Variants in ARHGAP42 observed in about 807,000 individuals in gnomAD.
The protein encoded by ARHGAP42 is rho GTPase-activating protein 42.
In ARHGAP42, 63 loss-of-function variants were observed where a neutral mutation model predicts 125.0. That is an observed-to-expected ratio of 0.50 (90% CI 0.41 to 0.62). The LOEUF (loss-of-function observed/expected upper bound fraction) is 0.62, where lower values mean the gene tolerates loss of function less well. Among genes scored for constraint, ARHGAP42 ranks in the 20% least tolerant of loss-of-function variants. The pLI, the probability that ARHGAP42 is intolerant of heterozygous loss-of-function variation, is 0.00. For missense variants in ARHGAP42, 766 were observed against 1,024.2 expected, an observed-to-expected ratio of 0.75 and a Z score of 3.44; for synonymous variants, 339 against 351.0, an observed-to-expected ratio of 0.97 and a Z score of 0.38.
intron 3 of ARHGAP42, among the ~76,000 whole-genome samples, chr11:100,796,370 T>A (rs566930696): frequency 6.6e-6 from 1 of 152,336 alleles, no homozygotes; most frequent in Non-Finnish European, 1.5e-5. Flanking sequence ...TGTCCTCAGA[T>A]CTCTCTATTG....
chr11:100,801,081 G>GC (rs1863839088), intron 3 of ARHGAP42, among the ~76,000 whole-genome samples: 1 of 152,162 alleles, frequency 6.6e-6, no homozygotes, highest in Non-Finnish European at 1.5e-5. Context: ...GCTCCAGAGA[G>GC]CATTTCCTTT....
intron 1 of ARHGAP42, among the ~76,000 whole-genome samples, chr11:100,729,305 T>C (rs1861915814): frequency 6.6e-6 from 1 of 151,838 alleles, no homozygotes; most frequent in Non-Finnish European, 1.5e-5. Context: ...AATTATACAA[T>C]TTAGTAATTA....
chr11:100,729,431 T>A (rs936638352), intron 1 of ARHGAP42, among the ~76,000 whole-genome samples: 1 of 152,206 alleles, frequency 6.6e-6, no homozygotes, highest in Non-Finnish European at 1.5e-5. Context: ...GAGGAGATTA[T>A]GCTTCTGTTG....
chr11:100,749,839 G>T (rs1862402845), intron 1 of ARHGAP42, among the ~76,000 whole-genome samples: 1 of 152,144 alleles, frequency 6.6e-6, no homozygotes, highest in Non-Finnish European at 1.5e-5. Context: ...TAGCCCTCTA[G>T]AATTTGACCA....
chr11:100,770,129 C>T (rs565234359), intron 1 of ARHGAP42, among the ~76,000 whole-genome samples: 68 of 121,492 alleles, frequency 5.6e-4, no homozygotes, highest in African/African-American at 1.6e-3. Flanking sequence ...TAGATCAGAC[C>T]AGATCCATTT....
intron 3 of ARHGAP42, among the ~76,000 whole-genome samples, chr11:100,853,879 A>G (rs61683597): frequency 0.012 from 1,821 of 151,784 alleles, 43 homozygotes; most frequent in African/African-American, 0.041. Flanking sequence ...TTTCACTCTT[A>G]TACTAAAACT....
chr11:100,883,005 C>T lies in ARHGAP42; in HGVS notation c.384+23380C>T, dbSNP rs572278730. On this transcript the variant is annotated intron_variant, in intron 4 of 23. Coordinates refer to ENST00000298815, the MANE Select transcript of ARHGAP42 (RefSeq NM_152432.4). ...TGGATTTTCTCTCGTCTTAATCTTG[C>T]TAATGTTCTATCAATTTTATTTATC... Among the ~76,000 whole-genome samples, 16 of 152,236 alleles carry T rather than the reference C, an allele frequency of 1.1e-4. No individual in the cohort carries two copies. In the East Asian group the frequency reaches 2.5e-3, roughly 24 times the overall value.
intron 6 of ARHGAP42, among the ~76,000 whole-genome samples, chr11:100,927,624 C>T (rs1867463023): frequency 6.6e-6 from 1 of 152,134 alleles, no homozygotes; most frequent in Non-Finnish European, 1.5e-5. Context: ...TATCAGCTTG[C>T]TGGTGACAGT....
intron 4 of ARHGAP42, among the ~76,000 whole-genome samples, chr11:100,899,624 T>G (rs2135206372): frequency 6.6e-6 from 1 of 152,206 alleles, no homozygotes; most frequent in East Asian, 1.9e-4. Flanking sequence ...TTTGATCTTG[T>G]TGGTTTAAAG....
At chr11:100,807,503 A>G (rs1000926199) in intron 3 of ARHGAP42, among the ~76,000 whole-genome samples, 2 of 152,056 alleles carry the variant, frequency 1.3e-5, no homozygotes, top group Non-Finnish European at 2.9e-5. Context: ...GCCTTTTTAT[A>G]TACATGTTAT....
At chr11:100,889,975 G>A (rs1472044706) in intron 4 of ARHGAP42, among the ~76,000 whole-genome samples, 1 of 152,168 alleles carries the variant, frequency 6.6e-6, no homozygotes, top group African/African-American at 2.4e-5. Flanking sequence ...GCCACAGTAG[G>A]CAATAGGCAG....
chr11:100,807,040 G>A (rs1315521793), intron 3 of ARHGAP42, among the ~76,000 whole-genome samples: 2 of 151,988 alleles, frequency 1.3e-5, no homozygotes, highest in Non-Finnish European at 2.9e-5. Context: ...TAGAGACGGG[G>A]TTTCACCGTG....
At chr11:100,914,402 G>A (rs1034916262) in intron 5 of ARHGAP42, among the ~76,000 whole-genome samples, 4 of 151,954 alleles carry the variant, frequency 2.6e-5, no homozygotes, top group African/African-American at 9.7e-5. Context: ...TAAAATCAAA[G>A]CCACTTCTTT....
In ARHGAP42 at chr11:100,915,864, C is replaced by G. The variant is rs151189397; in HGVS notation, c.486+2311C>G. 4.8e-3 allele frequency among the ~76,000 whole-genome samples: 733 copies of G among 152,248 alleles called. 3 individuals carry two copies. The highest frequency in any genetic ancestry group is 0.022 in the East Asian group (115 of 5,184). ...AAATGTAGCTTGGGTTCCCCCCTCC[C>G]TTCGCCCCTCTAGGAATCAGACCTG... On this transcript the variant is annotated intron_variant, in intron 5 of 23. Coordinates refer to ENST00000298815, the MANE Select transcript of ARHGAP42 (RefSeq NM_152432.4).
intron 1 of ARHGAP42, among the ~76,000 whole-genome samples, chr11:100,693,116 G>A (rs1861218311): frequency 2.7e-5 from 4 of 150,416 alleles, no homozygotes; most frequent in Admixed American, 2.6e-4. Flanking sequence ...TGTAAGAACT[G>A]CCATTGTTTT....
At chr11:100,945,746 C>T (rs746567243) in intron 10 of ARHGAP42, among the ~76,000 whole-genome samples, 2 of 152,186 alleles carry the variant, frequency 1.3e-5, no homozygotes, top group Non-Finnish European at 2.9e-5. Context: ...AACAGATGTG[C>T]TGTCATTCAG....
intron 3 of ARHGAP42, among the ~76,000 whole-genome samples, chr11:100,834,041 G>C (rs928926552): frequency 6.6e-6 from 1 of 152,162 alleles, no homozygotes; most frequent in Non-Finnish European, 1.5e-5. Flanking sequence ...GACCAGATTA[G>C]TGACCATATT....
intron 3 of ARHGAP42, among the ~76,000 whole-genome samples, chr11:100,820,289 T>A (rs1864373395): frequency 6.6e-6 from 1 of 152,140 alleles, no homozygotes; most frequent in Admixed American, 6.6e-5. Context: ...CAGAAGTCAA[T>A]GAAGTCTGAA....
chr11:100,992,219 A>G lies in ARHGAP42; in HGVS notation c.*3418A>G. 1 of 1,417,830 alleles carries G rather than the reference A, an allele frequency of 7.1e-7. No homozygotes were observed. Among genetic ancestry groups the G allele is most frequent in the Non-Finnish European group, 9.5e-7 (1 of 1,053,496 alleles). 87.8% of individuals were successfully genotyped at this position (1,417,830 alleles called of 1,614,324 possible). ...AGCATTTAGAACCCCAACTAGACTTATACTTTGACTAAAGTCAGAGGCAGA... is the reference window on the plus strand; with the variant it reads ...AGCATTTAGAACCCCAACTAGACTTGTACTTTGACTAAAGTCAGAGGCAGA... On this transcript the variant is annotated 3_prime_UTR_variant, in exon 24 of 24. Transcript: ENST00000298815.
Sources: allele counts gnomAD v4.1 joint callset (sites outside exome capture counted in the v4.1 genomes callset), GRCh38; gene constraint gnomAD v4.1.1; transcripts MANE v1.5; gene names NCBI Gene and HGNC (gene_info 2026-07-23, HGNC 2026-07-21).